GRM5: variants seen among roughly 807,000 people sequenced by gnomAD.
GRM5 encodes the protein metabotropic glutamate receptor 5.
GRM5 carries 19 observed loss-of-function variants against 83.1 expected under a neutral mutation model. The observed-to-expected ratio is 0.23, with a 90% CI of 0.16 to 0.34. The LOEUF (loss-of-function observed/expected upper bound fraction) is 0.34, where lower values mean the gene tolerates loss of function less well. Among genes scored for constraint, GRM5 ranks in the 10% least tolerant of loss-of-function variants. The probability of loss-of-function intolerance (pLI) is 1.00; values close to 1 mark genes in which losing one functional copy is unlikely to be tolerated. For missense variants in GRM5, 1,160 were observed against 1,588.3 expected, an observed-to-expected ratio of 0.73 and a Z score of 4.58; for synonymous variants, 675 against 633.6, an observed-to-expected ratio of 1.07 and a Z score of -0.98.
chr11:88,568,827 A>T (rs1942924859), intron 7 of GRM5, among the ~76,000 whole-genome samples: 1 of 152,184 alleles, frequency 6.6e-6, no homozygotes, highest in African/African-American at 2.4e-5. Context: ...GTTTTAGAAG[A>T]TTCTGTTAAA....
chr11:88,625,433 A>T (rs12282400), intron 4 of GRM5, among the ~76,000 whole-genome samples: 5,365 of 152,082 alleles, frequency 0.035, 300 homozygotes, highest in African/African-American at 0.12. Flanking sequence ...ACAAAGAGTA[A>T]TTTTTTCTAA....
intron 2 of GRM5, among the ~76,000 whole-genome samples, chr11:88,861,441 T>A (rs1323949750): frequency 6.9e-6 from 1 of 145,842 alleles, no homozygotes; most frequent in African/African-American, 2.7e-5. Context: ...GTGACAGAAT[T>A]CTCTAAATTA....
chr11:88,953,600 A>G (rs1938526320), intron 2 of GRM5, among the ~76,000 whole-genome samples: 1 of 152,226 alleles, frequency 6.6e-6, no homozygotes, highest in Non-Finnish European at 1.5e-5. Flanking sequence ...TGTCCTTGCC[A>G]TAGGCACTAC....
intron 4 of GRM5, among the ~76,000 whole-genome samples, chr11:88,615,515 T>C (rs780312206): frequency 2.4e-4 from 36 of 152,262 alleles, no homozygotes; most frequent in Non-Finnish European, 3.8e-4. Context: ...AGCACATGGC[T>C]GACCTTTCAC....
intron 3 of GRM5, among the ~76,000 whole-genome samples, chr11:88,813,246 C>G (rs1943615778): frequency 6.6e-6 from 1 of 152,094 alleles, no homozygotes; most frequent in South Asian, 2.1e-4. Flanking sequence ...ACATTTTATT[C>G]ATGTTTGTAT....
chr11:88,509,998 G>A (rs770776208), intron 9 of GRM5, among the ~76,000 whole-genome samples: 35 of 152,204 alleles, frequency 2.3e-4, no homozygotes, highest in Non-Finnish European at 4.3e-4. Context: ...GGATTACCAG[G>A]AGGTAGTCAG....
intron 2 of GRM5, among the ~76,000 whole-genome samples, chr11:89,033,339 TTTTA>T (rs1941308768): frequency 6.6e-6 from 1 of 151,842 alleles, no homozygotes; most frequent in Non-Finnish European, 1.5e-5. Flanking sequence ...ACCAAATTGT[TTTTA>T]TTTTATAAAA....
intron 5 of GRM5, among the ~76,000 whole-genome samples, chr11:88,603,796 G>T (rs1938067153): frequency 6.6e-6 from 1 of 152,198 alleles, no homozygotes; most frequent in Non-Finnish European, 1.5e-5. Flanking sequence ...GAATGTGTGG[G>T]CACATGTGGT....
In GRM5 at chr11:88,744,015, C is replaced by A. The variant is rs184408545; in HGVS notation, c.912-90612G>T. Among the ~76,000 whole-genome samples the A allele has an allele frequency of 1.4e-3, 212 of 152,226 alleles. 3 individuals carry two copies. Among genetic ancestry groups the A allele is most frequent in the Non-Finnish European group, 1.9e-4 (13 of 68,030 alleles). ...AAAGGTTGCTGAACAAGGCAACTGTCCACAGATTTGTGAAGTTAATGTAAG... is the reference window on the plus strand; with the variant it reads ...AAAGGTTGCTGAACAAGGCAACTGTACACAGATTTGTGAAGTTAATGTAAG... On this transcript the variant is annotated intron_variant, in intron 3 of 9. Transcript: ENST00000305447.
intron 8 of GRM5, among the ~76,000 whole-genome samples, chr11:88,561,227 G>A (rs759383023): frequency 6.6e-6 from 1 of 152,122 alleles, no homozygotes; most frequent in East Asian, 1.9e-4. Flanking sequence ...ATGAATGTGG[G>A]GAGACCAGCA....
chr11:88,667,227 T>C (rs1214626701), intron 3 of GRM5, among the ~76,000 whole-genome samples: 1 of 152,052 alleles, frequency 6.6e-6, no homozygotes, highest in African/African-American at 2.4e-5. Flanking sequence ...AACACAATTT[T>C]TGAATATAGA....
intron 2 of GRM5, among the ~76,000 whole-genome samples, chr11:88,891,404 C>T (rs528032950): frequency 6.6e-6 from 1 of 152,138 alleles, no homozygotes; most frequent in South Asian, 2.1e-4. Context: ...AATCAAACTT[C>T]AAGTTTCGAA....
At position 88,567,597 on chromosome 11, in the gene GRM5, T is replaced by C. The variant is rs1042035523; in HGVS notation, c.2086A>G (p.Ile696Val). The change falls in exon 8 of 10, where the codon ATT (isoleucine) becomes GTT (valine). Residue 696 changes from isoleucine to valine, a missense_variant. Coordinates refer to ENST00000305447, the MANE Select transcript of GRM5 (RefSeq NM_001143831.3). The surrounding 1 kb of genome is among the most constrained non-coding windows in gnomAD (Gnocchi z 7.3). The stretch of plus-strand genomic sequence containing the variant: ...TGGATGCATATGAGAATGAAAGCAA[T>C]CACTAGCTGGGCACAGGCACTCATG... ...RFMSACAQLVIAFILICIQLG... is the reference protein window; with the variant it reads ...RFMSACAQLVVAFILICIQLG... 1.2e-6 allele frequency: 2 copies of C among 1,614,108 alleles called. No homozygotes were observed.
intron 2 of GRM5, among the ~76,000 whole-genome samples, chr11:89,025,079 G>A (rs561375875): frequency 3.3e-5 from 5 of 152,176 alleles, no homozygotes; most frequent in Non-Finnish European, 7.4e-5. Flanking sequence ...TCATCTTCAC[G>A]TTATACTGGC....
At chr11:88,885,450 GTTTTTTTTTTTTTTTTTTTTTTTT>G (rs61456975) in intron 2 of GRM5, among the ~76,000 whole-genome samples, 1 of 62,666 alleles carries the variant, frequency 1.6e-5, no homozygotes, top group South Asian at 6.4e-4. Flanking sequence ...TAGGTACCAT[GTTTTTTTTTTTTTTTTTTTTTTTT>G]TTTTTTTTTT....
chr11:88,704,122 T>G (rs944492752), intron 3 of GRM5, among the ~76,000 whole-genome samples: 6 of 152,068 alleles, frequency 3.9e-5, no homozygotes, highest in Non-Finnish European at 7.4e-5. Context: ...TCTCTTTCTC[T>G]TTCTATAAGG....
At chr11:88,631,546 C>T (rs538859132) in intron 4 of GRM5, among the ~76,000 whole-genome samples, 40 of 152,120 alleles carry the variant, frequency 2.6e-4, no homozygotes, top group Non-Finnish European at 4.9e-4. Flanking sequence ...CATCATGACT[C>T]TAAAATATAA....
intron 2 of GRM5, among the ~76,000 whole-genome samples, chr11:88,932,114 G>T (rs1937728374): frequency 6.6e-6 from 1 of 152,004 alleles, no homozygotes; most frequent in Admixed American, 6.6e-5. Context: ...AGACCAGCAT[G>T]GGATTACTGA....
chr11:88,817,782 T>A (rs1430662087), intron 3 of GRM5, among the ~76,000 whole-genome samples: 1 of 152,132 alleles, frequency 6.6e-6, no homozygotes, highest in Non-Finnish European at 1.5e-5. Flanking sequence ...GATTAATTTA[T>A]AATAATCATT....
Sources: gnomAD v4.1 joint callset for allele counts (sites outside exome capture counted in the v4.1 genomes callset) on GRCh38, gnomAD v4.1.1 for gene constraint, Gnocchi (gnomAD v3.1) non-coding constraint, MANE v1.5 for transcripts, NCBI Gene and HGNC (gene_info 2026-07-23, HGNC 2026-07-21) for gene names.